Variants in GPR158 observed in about 807,000 individuals in gnomAD.
GPR158 encodes G protein-coupled receptor 158, also known as metabotropic glycine receptor.
GPR158 carries 30 observed loss-of-function variants against 78.2 expected under a neutral mutation model. That is an observed-to-expected ratio of 0.38 (90% confidence interval 0.29 to 0.52). The LOEUF (loss-of-function observed/expected upper bound fraction) is 0.52. Ranked by LOEUF, GPR158 falls within the 20% of genes least tolerant of loss-of-function variation. The pLI is 0.83. For synonymous variants in GPR158, 581 were observed against 591.1 expected, an observed-to-expected ratio of 0.98 and a Z score of 0.25; for missense variants, 1,463 against 1,523.5, an observed-to-expected ratio of 0.96 and a Z score of 0.66.
chr10:25,443,693 C>T (rs1304620441), intron 4 of GPR158, among the ~76,000 whole-genome samples: 1 of 148,934 alleles, frequency 6.7e-6, no homozygotes, highest in Non-Finnish European at 1.5e-5. Context: ...AGTTTTGAGA[C>T]ACTGCTCCCA....
chr10:25,379,551 C>T (rs777381532), intron 2 of GPR158, among the ~76,000 whole-genome samples: 59 of 151,774 alleles, frequency 3.9e-4, no homozygotes, highest in South Asian at 4.1e-4. Context: ...CATTGTGATA[C>T]GGCAAAAGAC....
chr10:25,541,910 A>G (rs1480672871), intron 5 of GPR158, among the ~76,000 whole-genome samples: 1 of 145,282 alleles, frequency 6.9e-6, no homozygotes, highest in African/African-American at 2.6e-5. Context: ...AGCAGGGGGA[A>G]ATTATAAATT....
At chr10:25,200,868 G>GTTTTTTTTTTTT (rs56696555) in intron 1 of GPR158, among the ~76,000 whole-genome samples, 121 of 113,142 alleles carry the variant, frequency 1.1e-3, no homozygotes, top group Middle Eastern at 5.3e-3. Context: ...TTTTTGTTTT[G>GTTTTTTTTTTTT]TTTTTTTTTT....
At chr10:25,180,856 A>C (rs1852603191) in intron 1 of GPR158, among the ~76,000 whole-genome samples, 1 of 151,412 alleles carries the variant, frequency 6.6e-6, no homozygotes, top group Non-Finnish European at 1.5e-5. Flanking sequence ...TAGACCTGGT[A>C]TTTGGTTAAG....
rs549756332 is a variant in GPR158 at position 25,271,865 on chromosome 10, C to T, written c.1008+50708C>T. Among the ~76,000 whole-genome samples the T allele has an allele frequency of 2.0e-5, 3 of 152,046 alleles. No individual in the cohort carries two copies. In the South Asian group the frequency reaches 6.2e-4, roughly 32 times the overall value. On this transcript the variant is annotated intron_variant, in intron 2 of 10. Coordinates refer to ENST00000376351, the MANE Select transcript of GPR158 (RefSeq NM_020752.3). ...ATGTTAGCCAGTCTGGTCTTGAACT[C>T]TTGACCTCAGGTGATCTGCCCACCT... is the stretch of plus-strand genomic sequence containing the variant.
chr10:25,423,113 ATATATACATATATATG>A (rs1306349065), intron 4 of GPR158, among the ~76,000 whole-genome samples: 1 of 148,056 alleles, frequency 6.8e-6, no homozygotes, highest in African/African-American at 2.5e-5. Context: ...ATGTCTACAC[ATATATACATATATATG>A]TATATACATA....
At chr10:25,563,061 A>G (rs1836879221) in intron 6 of GPR158, among the ~76,000 whole-genome samples, 2 of 152,134 alleles carry the variant, frequency 1.3e-5, no homozygotes, top group African/African-American at 2.4e-5. Flanking sequence ...GTTACCTTAT[A>G]GTATATCTTA....
At chr10:25,332,820 G>C (rs1164899361) in intron 2 of GPR158, among the ~76,000 whole-genome samples, 2 of 152,132 alleles carry the variant, frequency 1.3e-5, no homozygotes, top group Admixed American at 6.5e-5. Flanking sequence ...AATAACTGCT[G>C]TTTACCACTA....
chr10:25,198,891 G>A (rs944458265), intron 1 of GPR158, among the ~76,000 whole-genome samples: 8 of 151,978 alleles, frequency 5.3e-5, no homozygotes, highest in African/African-American at 1.9e-4. Context: ...TCTATTGAGG[G>A]TTTGGTTGAA....
chr10:25,363,972 T>A (rs1855679554), intron 2 of GPR158, among the ~76,000 whole-genome samples: 1 of 151,966 alleles, frequency 6.6e-6, no homozygotes, highest in South Asian at 2.1e-4. Flanking sequence ...ATTAATCGCA[T>A]CTACTCACTG....
rs867894343 is a variant in GPR158, at chr10:25,547,964, C to A, written c.1405-3012C>A. On this transcript the variant is annotated intron_variant, in intron 5 of 10. Coordinates refer to ENST00000376351, the MANE Select transcript of GPR158 (RefSeq NM_020752.3). ...TAACATTCACTCTATGAAAGTATAA[C>A]TTTTTTGAAGACCTAATCCACATCT... is the stretch of plus-strand genomic sequence containing the variant. Among the ~76,000 whole-genome samples, 15 of 152,204 alleles carry A rather than the reference C, an allele frequency of 9.9e-5. No individual in the cohort carries two copies. The South Asian group carries it at 3.1e-3, about 31-fold the overall frequency.
At chr10:25,583,249 AACT>A (rs1272086361) in intron 7 of GPR158, among the ~76,000 whole-genome samples, 9 of 152,184 alleles carry the variant, frequency 5.9e-5, no homozygotes, top group African/African-American at 1.7e-4. Context: ...GAGCTGAATC[AACT>A]GACTTTAAGG....
At chr10:25,383,508 C>T (rs930840317) in intron 2 of GPR158, among the ~76,000 whole-genome samples, 5 of 151,998 alleles carry the variant, frequency 3.3e-5, no homozygotes, top group Admixed American at 1.3e-4. Flanking sequence ...GAAATTTAGG[C>T]GGAGAAAAGG....
intron 2 of GPR158, among the ~76,000 whole-genome samples, chr10:25,238,265 GA>G (rs1853554758): frequency 1.3e-5 from 2 of 152,178 alleles, no homozygotes; most frequent in South Asian, 4.2e-4. Context: ...CGAAGTAGAT[GA>G]AACTGTGTTT....
At chr10:25,271,710 G>A (rs1854121152) in intron 2 of GPR158, among the ~76,000 whole-genome samples, 1 of 152,164 alleles carries the variant, frequency 6.6e-6, no homozygotes. Flanking sequence ...TGGCCAAGGT[G>A]GAATGCTATG....
At chr10:25,250,944 G>A (rs975383291) in intron 2 of GPR158, among the ~76,000 whole-genome samples, 20 of 151,506 alleles carry the variant, frequency 1.3e-4, no homozygotes, top group African/African-American at 1.9e-4. Flanking sequence ...TTGTGTGGGC[G>A]TCTAAGTCTC....
At chr10:25,468,059 T>A (rs914269008) in intron 5 of GPR158, among the ~76,000 whole-genome samples, 1 of 152,116 alleles carries the variant, frequency 6.6e-6, no homozygotes, top group South Asian at 2.1e-4. Flanking sequence ...TCTGTACTTA[T>A]TGCACCTGCG....
intron 2 of GPR158, among the ~76,000 whole-genome samples, chr10:25,271,157 C>A (rs1854113290): frequency 1.3e-5 from 2 of 152,158 alleles, no homozygotes; most frequent in Admixed American, 6.5e-5. Flanking sequence ...TTAGTTCATT[C>A]TCTCCTTCAG....
Position 25,467,870 on chromosome 10 carries a change from T to C in GPR158, c.1404+1151T>C, listed in dbSNP as rs531967662. On this transcript the variant is annotated intron_variant, in intron 5 of 10. Coordinates refer to ENST00000376351, the MANE Select transcript of GPR158 (RefSeq NM_020752.3). Reference sequence around the variant, plus strand: ...TGTCTGTGTCTCAAGTCTCTGCCTTTGTCTCTGACTAGTTTCCCGCTTCTG... The same window carrying C: ...TGTCTGTGTCTCAAGTCTCTGCCTTCGTCTCTGACTAGTTTCCCGCTTCTG... Among the ~76,000 whole-genome samples the C allele has an allele frequency of 1.4e-4, 22 of 152,272 alleles. No homozygotes were observed. The East Asian group carries it at 4.3e-3, about 30-fold the overall frequency.
Sources: allele counts gnomAD v4.1 joint callset (sites outside exome capture counted in the v4.1 genomes callset), GRCh38; gene constraint gnomAD v4.1.1; transcripts MANE v1.5; gene names NCBI Gene and HGNC (gene_info 2026-07-23, HGNC 2026-07-21).